Variants in NRXN1 observed in about 807,000 individuals in gnomAD.
NRXN1 encodes the protein neurexin-1.
Under a neutral mutation model 150.9 loss-of-function variants are expected in NRXN1, and 39 were observed. That is an observed-to-expected ratio of 0.26 (90% confidence interval 0.20 to 0.34). The LOEUF (loss-of-function observed/expected upper bound fraction) is 0.34. Ranked by LOEUF, NRXN1 falls within the 10% of genes least tolerant of loss-of-function variation. The probability of loss-of-function intolerance (pLI) is 1.00; values close to 1 mark genes in which losing one functional copy is unlikely to be tolerated. For synonymous variants in NRXN1, 924 were observed against 757.0 expected (o/e 1.22, Z -3.62); for missense variants, 1,815 against 1,949.9 (o/e 0.93, Z 1.30).
chr2:50,920,773 T>C (rs543502685), intron 5 of NRXN1, among the ~76,000 whole-genome samples: 2 of 151,956 alleles, frequency 1.3e-5, no homozygotes, highest in African/African-American at 4.8e-5. Context: ...TAAATTATAC[T>C]ATTGAAAATA....
chr2:50,778,661 G>T (rs1703966616), intron 5 of NRXN1, among the ~76,000 whole-genome samples: 1 of 152,092 alleles, frequency 6.6e-6, no homozygotes, highest in Admixed American at 6.6e-5. Flanking sequence ...TATCAATGAA[G>T]ACAGAAACTA....
At chr2:50,677,681 T>C (rs1210364879) in intron 5 of NRXN1, among the ~76,000 whole-genome samples, 1 of 152,150 alleles carries the variant, frequency 6.6e-6, no homozygotes, top group Non-Finnish European at 1.5e-5. Context: ...GACAATTGTT[T>C]TGTGTTAAAC....
intron 5 of NRXN1, among the ~76,000 whole-genome samples, chr2:50,890,545 A>T (rs542760865): frequency 6.6e-6 from 1 of 151,786 alleles, no homozygotes; most frequent in South Asian, 2.1e-4. Flanking sequence ...GTCCTTAGCT[A>T]CTCTTTAATG....
intron 17 of NRXN1, among the ~76,000 whole-genome samples, chr2:50,327,745 G>A (rs1187728572): frequency 1.3e-5 from 2 of 151,426 alleles, no homozygotes; most frequent in Admixed American, 6.6e-5. Context: ...TGCCTCCCAC[G>A]TTCAAGGGAT....
chr2:50,865,660 T>C lies in NRXN1; in HGVS notation c.832+56209A>G, dbSNP rs200145723. ...TAATTCCCAGTAAGCATTTGAAAGTTTTTTTTTTTTTTTTTTTTTTTTTTT... is the reference window on the plus strand; with the variant it reads ...TAATTCCCAGTAAGCATTTGAAAGTCTTTTTTTTTTTTTTTTTTTTTTTTT... On this transcript the variant is annotated intron_variant, in intron 5 of 22. Transcript: ENST00000401669. Among the ~76,000 whole-genome samples, 147 of 70,566 alleles carry C rather than the reference T, an allele frequency of 2.1e-3. No individual in the cohort carries two copies. The East Asian group carries it at 0.054, about 26-fold the overall frequency. 46.3% of individuals were successfully genotyped at this position (70,566 alleles called of 152,430 possible). A position where few individuals can be genotyped will look rare whatever the true frequency, so the allele number is the denominator to read the frequency against.
intron 18 of NRXN1, among the ~76,000 whole-genome samples, chr2:50,218,872 C>G (rs978403496): frequency 1.3e-5 from 2 of 151,888 alleles, no homozygotes; most frequent in Admixed American, 6.6e-5. Flanking sequence ...ATATGCAAAA[C>G]AAAGTAAAGG....
chr2:50,275,644 C>G (rs1427812237), intron 17 of NRXN1, among the ~76,000 whole-genome samples: 1 of 152,060 alleles, frequency 6.6e-6, no homozygotes, highest in Non-Finnish European at 1.5e-5. Context: ...TTTATGATGT[C>G]AATTAATAAT....
chr2:50,743,701 C>A (rs1035511560), intron 5 of NRXN1, among the ~76,000 whole-genome samples: 1 of 152,164 alleles, frequency 6.6e-6, no homozygotes, highest in Non-Finnish European at 1.5e-5. Context: ...TAAACCCTCA[C>A]TACAGTCCCA....
intron 17 of NRXN1, among the ~76,000 whole-genome samples, chr2:50,422,181 A>G (rs1293579975): frequency 1.3e-5 from 2 of 152,174 alleles, no homozygotes; most frequent in South Asian, 2.1e-4. Context: ...GTCATATCCA[A>G]CTTTTTAAAA....
At chr2:50,282,118 C>T (rs72874415) in intron 17 of NRXN1, among the ~76,000 whole-genome samples, 27,874 of 151,916 alleles carry the variant, frequency 0.18, 2,737 homozygotes, top group East Asian at 0.36. Flanking sequence ...TGTTATATAA[C>T]AACAGTTTTG....
chr2:50,980,925 A>G (rs979672200), intron 2 of NRXN1, among the ~76,000 whole-genome samples: 1 of 152,046 alleles, frequency 6.6e-6, no homozygotes, highest in Non-Finnish European at 1.5e-5. Flanking sequence ...GTGCCCTAAC[A>G]CTTTAACACT....
rs187224854 is a variant in NRXN1 at position 50,003,445 on chromosome 2, G to A, written c.4128+49826C>T. ...TCTCTATTATATTTTGCCAATGTGA[G>A]GAAATGAGTGTCTAATCTTGTCAAT... On this transcript the variant is annotated intron_variant, in intron 21 of 22. Coordinates refer to ENST00000401669, the MANE Select transcript of NRXN1 (RefSeq NM_001330078.2). Among the ~76,000 whole-genome samples, 289 of 152,122 alleles carry A rather than the reference G, an allele frequency of 1.9e-3. 2 individuals are homozygous for A. Among genetic ancestry groups the A allele is most frequent in the South Asian group, 9.1e-3 (44 of 4,818 alleles).
At chr2:50,417,090 G>A (rs2083594677) in intron 17 of NRXN1, 1 of 152,064 alleles carries the variant, frequency 6.6e-6, no homozygotes, top group Non-Finnish European at 1.5e-5. Flanking sequence ...TACCTTGAAT[G>A]AGGAAAGAGA....
At chr2:50,206,255 A>G (rs1474067629) in intron 18 of NRXN1, among the ~76,000 whole-genome samples, 3 of 148,668 alleles carry the variant, frequency 2.0e-5, no homozygotes, top group Non-Finnish European at 3.0e-5. Context: ...ACACACACAC[A>G]CACACACAAC....
At chr2:50,493,549 C>T (rs958992389) in intron 15 of NRXN1, among the ~76,000 whole-genome samples, 2 of 152,178 alleles carry the variant, frequency 1.3e-5, no homozygotes, top group African/African-American at 4.8e-5. Flanking sequence ...TCCATAAATA[C>T]TCATGCTCTG....
intron 22 of NRXN1, among the ~76,000 whole-genome samples, chr2:49,943,099 C>A (rs17039508): frequency 1.3e-5 from 2 of 152,046 alleles, no homozygotes; most frequent in East Asian, 1.9e-4. Context: ...ACAGTATTTA[C>A]GTTAGTCACA....
chr2:50,928,415 A>G (rs1558437142), intron 2 of NRXN1, among the ~76,000 whole-genome samples: 1 of 151,982 alleles, frequency 6.6e-6, no homozygotes, highest in African/African-American at 2.4e-5. Context: ...CTAACTTTAC[A>G]TAATTTAAAA....
chr2:50,552,775 G>T lies in NRXN1; in HGVS notation c.1571C>A (p.Pro524Gln). The change falls in exon 9 of 23, where the codon CCA becomes CAA. Residue 524 changes from proline (P) to glutamine (Q), a missense_variant. Around this residue, in one of 6 missense-constraint regions of NRXN1, gnomAD observed 638 missense variants for 652.6 expected, o/e 0.98. Coordinates refer to ENST00000401669, the MANE Select transcript of NRXN1 (RefSeq NM_001330078.2). ...GTGCTTGGCATCTTTCTGATGTCTT[G>T]GCTTGCCATGGCTAAATAAGATGAG... ...NGLILFSHGK[P>Q]RHQKDAKHPQ... is the part of the protein sequence containing the mutation. 1 of 1,613,948 alleles carries T rather than the reference G, an allele frequency of 6.2e-7. No individual in the cohort carries two copies. Among genetic ancestry groups the T allele is most frequent in the African/African-American group, 1.3e-5 (1 of 75,034 alleles).
intron 18 of NRXN1, among the ~76,000 whole-genome samples, chr2:50,121,624 C>G (rs1026866909): frequency 6.6e-6 from 1 of 152,156 alleles, no homozygotes; most frequent in Non-Finnish European, 1.5e-5. Flanking sequence ...ACCTTATACA[C>G]TACATTGAAG....
Sources: allele counts gnomAD v4.1 joint callset (sites outside exome capture counted in the v4.1 genomes callset), GRCh38; gene constraint gnomAD v4.1.1; regional missense constraint gnomAD v4.1.1; transcripts MANE v1.5; gene names NCBI Gene and HGNC (gene_info 2026-07-23, HGNC 2026-07-21).